UNC5C: variants seen among roughly 807,000 people sequenced by gnomAD.
The protein encoded by UNC5C is netrin receptor UNC5C.
In UNC5C, 47 loss-of-function variants were observed where a neutral mutation model predicts 99.8. That is an observed-to-expected ratio of 0.47 (90% CI 0.37 to 0.60). The LOEUF (loss-of-function observed/expected upper bound fraction) is 0.60. Ranked by LOEUF, UNC5C falls within the 20% of genes least tolerant of loss-of-function variation. The pLI, the probability that UNC5C is intolerant of heterozygous loss-of-function variation, is 0.00. For synonymous variants in UNC5C, 487 were observed against 452.2 expected (o/e 1.08, Z -0.98); for missense variants, 1,062 against 1,165.9 (o/e 0.91, Z 1.30).
intron 1 of UNC5C, among the ~76,000 whole-genome samples, chr4:95,525,910 A>G (rs1408419639): frequency 2.0e-5 from 3 of 152,158 alleles, no homozygotes; most frequent in Non-Finnish European, 2.9e-5. Flanking sequence ...TTTTTGAAAA[A>G]TCATCTGTCA....
chr4:95,543,181 A>C (rs920019051), intron 1 of UNC5C, among the ~76,000 whole-genome samples: 2 of 152,182 alleles, frequency 1.3e-5, no homozygotes, highest in African/African-American at 4.8e-5. Context: ...AGAAGCATCC[A>C]TACATAGGTT....
intron 14 of UNC5C, among the ~76,000 whole-genome samples, chr4:95,177,926 T>G (rs1736438924): frequency 6.6e-6 from 1 of 151,874 alleles, no homozygotes; most frequent in South Asian, 2.1e-4. Context: ...CAGATTGGTC[T>G]CAAACTCCTA....
At chr4:95,368,305 A>AAAAC (rs1272843604) in intron 1 of UNC5C, among the ~76,000 whole-genome samples, 1 of 151,912 alleles carries the variant, frequency 6.6e-6, no homozygotes, top group Non-Finnish European at 1.5e-5. Flanking sequence ...TTGAAAAAAA[A>AAAAC]AAAAACCAAT....
intron 13 of UNC5C, 34 bp from the exon 14 acceptor site, chr4:95,183,095 G>A (rs934299898): frequency 6.4e-7 from 1 of 1,573,222 alleles, no homozygotes; most frequent in South Asian, 1.1e-5. Context: ...CACAATTGAA[G>A]GACTAATACC....
chr4:95,189,836 AAAC>A (rs1265880967), intron 12 of UNC5C, among the ~76,000 whole-genome samples: 1 of 152,206 alleles, frequency 6.6e-6, no homozygotes, highest in Non-Finnish European at 1.5e-5. Context: ...AAAAGTCAGG[AAAC>A]AACAGGTGCT....
intron 12 of UNC5C, among the ~76,000 whole-genome samples, chr4:95,200,185 C>G (rs1311127677): frequency 6.6e-6 from 1 of 152,218 alleles, no homozygotes; most frequent in Non-Finnish European, 1.5e-5. Context: ...TGTTCATAAC[C>G]AAGTACTACT....
intron 1 of UNC5C, among the ~76,000 whole-genome samples, chr4:95,361,390 A>G (rs1744388212): frequency 6.6e-6 from 1 of 152,188 alleles, no homozygotes; most frequent in Non-Finnish European, 1.5e-5. Flanking sequence ...TTGTGAAATC[A>G]TTATCCTTTT....
chr4:95,482,895 A>T (rs1721205534), intron 1 of UNC5C, among the ~76,000 whole-genome samples: 1 of 133,656 alleles, frequency 7.5e-6, no homozygotes, highest in African/African-American at 3.0e-5. Context: ...GCATTAGGAG[A>T]TATACCTAAT....
At chr4:95,262,646 A>T (rs999524588) in intron 4 of UNC5C, among the ~76,000 whole-genome samples, 4 of 152,202 alleles carry the variant, frequency 2.6e-5, no homozygotes, top group African/African-American at 9.6e-5. Flanking sequence ...TAACAATTTG[A>T]TCCCTATGGT....
chr4:95,536,080 ATAT>A (rs1255247854), intron 1 of UNC5C, among the ~76,000 whole-genome samples: 4,191 of 63,606 alleles, frequency 0.066, 90 homozygotes, highest in African/African-American at 0.14. Context: ...ATATATATAT[ATAT>A]TTTTTTTTTT....
intron 4 of UNC5C, among the ~76,000 whole-genome samples, chr4:95,262,970 A>G (rs560711650): frequency 3.9e-5 from 6 of 152,120 alleles, no homozygotes; most frequent in African/African-American, 1.4e-4. Flanking sequence ...ATGTGCCATC[A>G]TGCCTGGCTA....
At chr4:95,317,789 A>G (rs112952861) in intron 2 of UNC5C, among the ~76,000 whole-genome samples, 9 of 152,248 alleles carry the variant, frequency 5.9e-5, no homozygotes, top group African/African-American at 2.2e-4. Context: ...TACCGACCAA[A>G]TGAGGAAAAA....
At chr4:95,268,091 A>C (rs1290651934) in intron 4 of UNC5C, among the ~76,000 whole-genome samples, 1 of 151,606 alleles carries the variant, frequency 6.6e-6, no homozygotes, top group Admixed American at 6.6e-5. Flanking sequence ...CTGGGACTAC[A>C]GGCGCCCGCC....
rs185320510 is a variant in UNC5C, at chr4:95,413,336, C to G, written c.125-77705G>C. On this transcript the variant is annotated intron_variant, in intron 1 of 15. Coordinates refer to ENST00000453304, the MANE Select transcript of UNC5C (RefSeq NM_003728.4). ...CTCTCTGGAGATGCCCACAAGAGTGCTGACCTATATTTCCCTGCTGCCTCC... is the reference window on the plus strand; with the variant it reads ...CTCTCTGGAGATGCCCACAAGAGTGGTGACCTATATTTCCCTGCTGCCTCC... Among the ~76,000 whole-genome samples, 957 of 152,280 alleles carry G rather than the reference C, an allele frequency of 6.3e-3. 4 individuals carry two copies. Among genetic ancestry groups the G allele is most frequent in the Non-Finnish European group, 9.8e-3 (665 of 68,030 alleles).
chr4:95,516,347 T>C (rs1722217638), intron 1 of UNC5C, among the ~76,000 whole-genome samples: 1 of 152,164 alleles, frequency 6.6e-6, no homozygotes. Context: ...GAAAACAGTA[T>C]TGACTGGGAC....
rs760152083 is a variant in UNC5C at position 95,219,085 on chromosome 4, A to G, written c.1529T>C (p.Leu510Ser). The stretch of plus-strand genomic sequence containing the variant: ...CTTCAGGCTGAGGGCTTCATTCTCC[A>G]ACAACGACTGGGTCATCTGAGGGGA... ...KLSPQMTQSL[L>S]ENEALSLKNQ... The change falls in exon 9 of 16, where the codon TTG becomes TCG. Residue 510 changes from leucine (L) to serine (S), a missense_variant. Leu to Ser is a moderately radical substitution (Grantham distance 145). This residue lies in a region of UNC5C where 810 missense variants were observed against 854.5 expected (regional missense o/e 0.95). Coordinates refer to ENST00000453304, the MANE Select transcript of UNC5C (RefSeq NM_003728.4). The G allele has an allele frequency of 3.7e-6, 6 of 1,614,180 alleles. No homozygotes were observed. In the South Asian group the frequency reaches 6.6e-5, roughly 18 times the overall value.
At chr4:95,417,655 T>TGAGGCAGAGCC (rs1237638661) in intron 1 of UNC5C, among the ~76,000 whole-genome samples, 1 of 152,140 alleles carries the variant, frequency 6.6e-6, no homozygotes, top group African/African-American at 2.4e-5. Context: ...TGATTATGTA[T>TGAGGCAGAGCC]GAGGCAGAGC....
chr4:95,282,276 T>C (rs773420032), intron 3 of UNC5C, among the ~76,000 whole-genome samples: 7 of 151,996 alleles, frequency 4.6e-5, no homozygotes, highest in African/African-American at 7.2e-5. Flanking sequence ...GGGAGGTCAA[T>C]AGGAGAAATG....
At chr4:95,479,413 T>C (rs1470199622) in intron 1 of UNC5C, among the ~76,000 whole-genome samples, 1 of 151,962 alleles carries the variant, frequency 6.6e-6, no homozygotes, top group African/African-American at 2.4e-5. Context: ...GCAAGAGATA[T>C]GTTTCCTTAG....
Sources: gnomAD v4.1 joint callset for allele counts (sites outside exome capture counted in the v4.1 genomes callset) on GRCh38, gnomAD v4.1.1 for gene constraint, gnomAD v4.1.1 regional missense constraint, MANE v1.5 for transcripts, NCBI Gene and HGNC (gene_info 2026-07-23, HGNC 2026-07-21) for gene names.